The following SS18L1 variants were observed in gnomAD, a reference collection of about 807,000 sequenced individuals.
SS18L1 encodes the protein SS18L1 subunit of BAF chromatin remodeling complex.
In SS18L1, 32 loss-of-function variants were observed where a neutral mutation model predicts 70.3. The ratio of observed to expected loss-of-function variants is 0.46; its 90% CI spans 0.34 to 0.61. SS18L1 has a LOEUF of 0.61. Ranked by LOEUF, SS18L1 falls within the 20% of genes least tolerant of loss-of-function variation. SS18L1 has a pLI of 0.01. For missense variants in SS18L1, 430 were observed against 542.1 expected (o/e 0.79, Z 2.05); for synonymous variants, 237 against 229.7 (o/e 1.03, Z -0.29).
chr20:62,169,347 T>A (rs2145768114), intron 8 of SS18L1, among the ~76,000 whole-genome samples: 1 of 152,134 alleles, frequency 6.6e-6, no homozygotes, highest in Admixed American at 6.5e-5. Context: ...TGCTTCCGGG[T>A]AGGAGATGGG....
At chr20:62,146,723 G>A (rs751387614) in intron 1 of SS18L1, among the ~76,000 whole-genome samples, 11 of 145,212 alleles carry the variant, frequency 7.6e-5, no homozygotes, top group Non-Finnish European at 1.5e-4. Context: ...AGGTTCAAGC[G>A]ATTCTCCTGC....
intron 1 of SS18L1, among the ~76,000 whole-genome samples, chr20:62,154,058 T>G (rs1344574387): frequency 6.6e-6 from 1 of 152,192 alleles, no homozygotes; most frequent in South Asian, 2.1e-4. Flanking sequence ...CCCAAATGCT[T>G]GAACGTGACT....
Position 62,181,752 on chromosome 20 carries a change from T to C in SS18L1, c.*2544T>C. The C allele has an allele frequency of 4.4e-6, 1 of 225,078 alleles. No homozygotes were observed. 13.9% of individuals were successfully genotyped at this position (225,078 alleles called of 1,614,324 possible). ...GGGGAAAGTGATGCCAGCAGTTCCT[T>C]TTCATTATTCTATCTTCTGTCATAT... On this transcript the variant is annotated 3_prime_UTR_variant, in exon 11 of 11. Coordinates refer to ENST00000331758, the MANE Select transcript of SS18L1 (RefSeq NM_198935.3).
At chr20:62,151,818 C>G (rs1416979541) in intron 1 of SS18L1, among the ~76,000 whole-genome samples, 1 of 149,484 alleles carries the variant, frequency 6.7e-6, no homozygotes, top group African/African-American at 2.5e-5. Context: ...CCCCTCTTTT[C>G]CCGCTCCCCA....
chr20:62,160,062 T>A, intron 3 of SS18L1, 101 bp downstream of exon 3: 1 of 1,247,984 alleles, frequency 8.0e-7, no homozygotes, highest in Non-Finnish European at 1.1e-6. Flanking sequence ...CAAAGATGAC[T>A]CAGAGAAACC....
intron 8 of SS18L1, among the ~76,000 whole-genome samples, chr20:62,167,899 TGGAAATC>T (rs2057463648): frequency 1.3e-5 from 2 of 150,776 alleles, no homozygotes; most frequent in Non-Finnish European, 2.9e-5. Context: ...CACTGCAGCC[TGGAAATC>T]CCAGGCTCAA....
rs1212942809 is a variant in SS18L1, at chr20:62,164,140, C to T, written c.722-5C>T. ...GCACTGGCGCTGAATGTGGTTCCCC[C>T]GCAGGCTCTTCCCAGCAGTACCTGG... is the stretch of plus-strand genomic sequence containing the variant. On this transcript the variant is annotated splice_region_variant and splice_polypyrimidine_tract_variant and intron_variant, in intron 6 of 10. Coordinates refer to ENST00000331758, the MANE Select transcript of SS18L1 (RefSeq NM_198935.3). 78 of 1,548,388 alleles carry T rather than the reference C, an allele frequency of 5.0e-5. No individual in the cohort carries two copies. The highest frequency in any genetic ancestry group is 4.4e-4 in the East Asian group (18 of 40,872).
chr20:62,167,352 A>C (rs2057454196), intron 8 of SS18L1, among the ~76,000 whole-genome samples: 1 of 147,664 alleles, frequency 6.8e-6, no homozygotes, highest in African/African-American at 2.5e-5. Context: ...CGAGCTCAGG[A>C]GTTTGAGGCC....
intron 1 of SS18L1, among the ~76,000 whole-genome samples, chr20:62,144,297 C>T (rs2056981255): frequency 6.6e-6 from 1 of 152,170 alleles, no homozygotes; most frequent in African/African-American, 2.4e-5. Context: ...GGGCTTGTCG[C>T]GCTCCGCAGC....
intron 10 of SS18L1, among the ~76,000 whole-genome samples, chr20:62,175,613 T>C (rs2057607274): frequency 6.6e-6 from 1 of 152,166 alleles, no homozygotes; most frequent in South Asian, 2.1e-4. Flanking sequence ...GGCTCTGTGT[T>C]GGTGACTCTG....
intron 1 of SS18L1, among the ~76,000 whole-genome samples, chr20:62,153,086 T>C (rs1466731112): frequency 6.6e-6 from 1 of 152,076 alleles, no homozygotes. Context: ...AAACTTAGAA[T>C]CATGGCGGAA....
At chr20:62,165,760 G>A (rs565564500) in intron 8 of SS18L1, among the ~76,000 whole-genome samples, 1 of 151,488 alleles carries the variant, frequency 6.6e-6, no homozygotes, top group Non-Finnish European at 1.5e-5. Flanking sequence ...GGGGTTGGGG[G>A]CACAGACTTG....
intron 1 of SS18L1, among the ~76,000 whole-genome samples, chr20:62,148,502 G>A (rs2057073301): frequency 6.6e-6 from 1 of 151,192 alleles, no homozygotes; most frequent in African/African-American, 2.4e-5. Context: ...GGTCAGGTGA[G>A]GGAGGCTCGG....
Position 62,182,044 on chromosome 20 carries a change from A to C in SS18L1, c.*2836A>C. 1 of 229,772 alleles carries C rather than the reference A, an allele frequency of 4.4e-6. No homozygotes were observed. The highest frequency in any genetic ancestry group is 8.6e-6 in the Non-Finnish European group (1 of 115,902). 14.2% of individuals were successfully genotyped at this position (229,772 alleles called of 1,614,324 possible). A position where few individuals can be genotyped will look rare whatever the true frequency, so the allele number is the denominator to read the frequency against. Reference sequence around the variant, plus strand: ...TAAGGTTTGTTGTTGAATCAACAGTACTCAGCATATTAAAACAGTACATCA... The same window carrying C: ...TAAGGTTTGTTGTTGAATCAACAGTCCTCAGCATATTAAAACAGTACATCA... On this transcript the variant is annotated 3_prime_UTR_variant, in exon 11 of 11. Transcript: ENST00000331758.
Position 62,174,463 on chromosome 20 carries a change from A to G in SS18L1, c.1037-54A>G, listed in dbSNP as rs1568766314. Reference sequence around the variant, plus strand: ...AAAAAAATTTTTAAGTTAAGAAAAAAAAAGAAAGAGGTGTCCGTTTTGGCC... The same window carrying G: ...AAAAAAATTTTTAAGTTAAGAAAAAGAAAGAAAGAGGTGTCCGTTTTGGCC... On this transcript the variant is annotated intron_variant, in intron 9 of 10. Transcript: ENST00000331758. This position sits in a 1 kb window ranked among gnomAD's most constrained non-coding sequence, Gnocchi z 4.1. The G allele has an allele frequency of 1.9e-6, 3 of 1,548,722 alleles. No homozygotes were observed. The highest frequency in any genetic ancestry group is 2.4e-5 in the South Asian group (2 of 83,378).
chr20:62,169,191 C>A (rs553538231), intron 8 of SS18L1, among the ~76,000 whole-genome samples: 13 of 152,208 alleles, frequency 8.5e-5, no homozygotes, highest in Non-Finnish European at 1.8e-4. Context: ...TAGGAGAGAC[C>A]GCCCATGAGC....
intron 1 of SS18L1, 86 bp downstream of exon 1, chr20:62,143,975 G>A (rs1372731719): frequency 1.1e-6 from 1 of 872,196 alleles, no homozygotes; most frequent in Non-Finnish European, 1.4e-6. Context: ...TGGCGGGCGC[G>A]GGGCGCGAAC....
In SS18L1 at chr20:62,159,968, AC is replaced by A; in HGVS notation, c.231+10del. 6.2e-7 allele frequency: 1 copy of A among 1,609,446 alleles called. No homozygotes were observed. On this transcript the variant is annotated splice_region_variant and intron_variant, in intron 3 of 10. Transcript: ENST00000331758. The surrounding 1 kb of genome is among the most constrained non-coding windows in gnomAD (Gnocchi z 4.4). ...GCAGTCCCTGCTTCCTGCCGTGAGT[AC>A]CCACGGGGGGTTGGCCTCCTTTACC...
At chr20:62,146,337 A>C (rs1290653398) in intron 1 of SS18L1, among the ~76,000 whole-genome samples, 1 of 152,248 alleles carries the variant, frequency 6.6e-6, no homozygotes, top group African/African-American at 2.4e-5. Context: ...GTTAGTGCTG[A>C]GCACGTGCTG....
Sources: allele counts gnomAD v4.1 joint callset (sites outside exome capture counted in the v4.1 genomes callset), GRCh38; gene constraint gnomAD v4.1.1; non-coding constraint Gnocchi (gnomAD v3.1); transcripts MANE v1.5; gene names NCBI Gene and HGNC (gene_info 2026-07-23, HGNC 2026-07-21).